Variants in TM9SF2 observed in about 807,000 individuals in gnomAD.
TM9SF2 encodes the protein transmembrane 9 superfamily member 2, also known as 76 kDa membrane protein.
TM9SF2 carries 13 observed loss-of-function variants against 84.9 expected under a neutral mutation model. The ratio of observed to expected loss-of-function variants is 0.15; its 90% confidence interval spans 0.10 to 0.24. TM9SF2 has a LOEUF of 0.24. TM9SF2 is among the 10% of genes least tolerant of loss of function. TM9SF2 has a pLI of 1.00. For missense variants in TM9SF2, 562 were observed against 818.5 expected (o/e 0.69, Z 3.82); for synonymous variants, 273 against 285.8 (o/e 0.96, Z 0.45).
intron 2 of TM9SF2, 28 bp downstream of exon 2, chr13:99,517,709 A>G: frequency 6.6e-7 from 1 of 1,512,798 alleles, no homozygotes; most frequent in African/African-American, 1.4e-5. Flanking sequence ...GCTTTTATAT[A>G]AAATTTTATG....
intron 3 of TM9SF2, among the ~76,000 whole-genome samples, chr13:99,527,886 A>C (rs2046191052): frequency 6.6e-6 from 1 of 152,244 alleles, no homozygotes; most frequent in South Asian, 2.1e-4. Flanking sequence ...AAGTTAACTG[A>C]AGCTGAGGCA....
At chr13:99,513,121 A>G (rs1262621741) in intron 1 of TM9SF2, among the ~76,000 whole-genome samples, 1 of 152,258 alleles carries the variant, frequency 6.6e-6, no homozygotes, top group Non-Finnish European at 1.5e-5. Flanking sequence ...TTTAGAACAT[A>G]GGAAGGAAAT....
At chr13:99,535,352 T>C (rs1330130695) in intron 4 of TM9SF2, among the ~76,000 whole-genome samples, 1 of 152,218 alleles carries the variant, frequency 6.6e-6, no homozygotes, top group Non-Finnish European at 1.5e-5. Context: ...TGTAGTACTT[T>C]CCCTCCAGTA....
chr13:99,546,837 T>C (rs1339133601), intron 10 of TM9SF2, 148 bp from the exon 11 acceptor site: 1 of 1,090,950 alleles, frequency 9.2e-7, no homozygotes, highest in South Asian at 1.6e-5. Flanking sequence ...ATTACTAAGA[T>C]TGTGTAGAGC....
At chr13:99,529,647 T>C in intron 4 of TM9SF2, 53 bp downstream of exon 4, 1 of 1,440,438 alleles carries the variant, frequency 6.9e-7, no homozygotes, top group South Asian at 1.6e-5. Context: ...TATGAAATCT[T>C]TGTTGCTTTG....
chr13:99,503,303 C>T (rs549936229), intron 1 of TM9SF2, among the ~76,000 whole-genome samples: 1 of 152,314 alleles, frequency 6.6e-6, no homozygotes, highest in Middle Eastern at 3.4e-3. Flanking sequence ...GGGACATAAG[C>T]TTATGAACAG....
chr13:99,508,568 A>C (rs1166069223), intron 1 of TM9SF2, among the ~76,000 whole-genome samples: 1 of 152,042 alleles, frequency 6.6e-6, no homozygotes, highest in East Asian at 1.9e-4. Flanking sequence ...GGTAATTTAT[A>C]AAGAAAAGAT....
chr13:99,503,411 A>G (rs780553115), intron 1 of TM9SF2, among the ~76,000 whole-genome samples: 5 of 152,228 alleles, frequency 3.3e-5, no homozygotes, highest in Admixed American at 6.5e-5. Context: ...GGAAAGCTCT[A>G]TAGAAGAAGT....
chr13:99,544,152 CCAGA>C (rs2046272836), intron 10 of TM9SF2, among the ~76,000 whole-genome samples, 157 bp downstream of exon 10: 1 of 151,950 alleles, frequency 6.6e-6, no homozygotes, highest in Non-Finnish European at 1.5e-5. Context: ...GAGTTTGAGA[CCAGA>C]CTGGCCAATA....
In TM9SF2 at chr13:99,501,491, T is replaced by C. The variant is rs552067960; in HGVS notation, c.-116T>C. The C allele has an allele frequency of 2.2e-6, 3 of 1,371,456 alleles. No individual in the cohort carries two copies. Among genetic ancestry groups the C allele is most frequent in the Non-Finnish European group, 3.0e-6 (3 of 1,016,208 alleles). 85.0% of individuals were successfully genotyped at this position (1,371,456 alleles called of 1,614,324 possible). On this transcript the variant is annotated 5_prime_UTR_variant, in exon 1 of 17. Transcript: ENST00000376387. ...TCTCCTAGCGCAACCGGAACTAGCC[T>C]TCTGGGGGCCGGCTTCCTTTATCTC...
chr13:99,548,361 A>G (rs1388632056), intron 11 of TM9SF2, among the ~76,000 whole-genome samples: 1 of 152,198 alleles, frequency 6.6e-6, no homozygotes, highest in Non-Finnish European at 1.5e-5. Context: ...TCAAATCATG[A>G]TACATATATA....
chr13:99,535,387 T>A (rs2046229470), intron 4 of TM9SF2, among the ~76,000 whole-genome samples: 1 of 152,236 alleles, frequency 6.6e-6, no homozygotes, highest in African/African-American at 2.4e-5. Flanking sequence ...TACTATATAT[T>A]GCTAGTATAT....
At chr13:99,558,380 T>C (rs2139114046) in intron 15 of TM9SF2, among the ~76,000 whole-genome samples, 1 of 152,360 alleles carries the variant, frequency 6.6e-6, no homozygotes, top group African/African-American at 2.4e-5. Flanking sequence ...ATTGGAATTA[T>C]GATAGGGATT....
chr13:99,536,551 A>C, intron 4 of TM9SF2, 57 bp from the exon 5 acceptor site: 1 of 1,580,770 alleles, frequency 6.3e-7, no homozygotes, highest in Non-Finnish European at 8.6e-7. Flanking sequence ...TTGGGCAGTA[A>C]TTCTTTGTCA....
In TM9SF2 at chr13:99,554,465, G is replaced by A. The variant is rs756866341; in HGVS notation, c.1640+10G>A. ...TTCTGAATAGTATTTGGTAAGCTAAGGATAAAGTCCTCTCATTCTCATTAC... is the reference window on the plus strand; with the variant it reads ...TTCTGAATAGTATTTGGTAAGCTAAAGATAAAGTCCTCTCATTCTCATTAC... On this transcript the variant is annotated intron_variant, in intron 14 of 16. Transcript: ENST00000376387. 6.2e-7 allele frequency: 1 copy of A among 1,612,094 alleles called. No homozygotes were observed. The highest frequency in any genetic ancestry group is 8.5e-7 in the Non-Finnish European group (1 of 1,179,218).
At chr13:99,546,164 G>A (rs541010828) in intron 10 of TM9SF2, among the ~76,000 whole-genome samples, 2 of 152,090 alleles carry the variant, frequency 1.3e-5, no homozygotes, top group African/African-American at 4.8e-5. Context: ...GTGTGTGCGC[G>A]TGCTTGCTCA....
At chr13:99,526,534 G>A (rs2046184323) in intron 3 of TM9SF2, among the ~76,000 whole-genome samples, 1 of 152,144 alleles carries the variant, frequency 6.6e-6, no homozygotes, top group African/African-American at 2.4e-5. Context: ...TGTTGGAGGT[G>A]ATGAACATTT....
At chr13:99,536,986 G>T (rs1187442222) in intron 5 of TM9SF2, among the ~76,000 whole-genome samples, 3 of 152,102 alleles carry the variant, frequency 2.0e-5, no homozygotes, top group Admixed American at 6.5e-5. Context: ...CTATGGTAAG[G>T]TCTAGAAGTT....
chr13:99,540,879 CTACTT>C (rs2046256213), intron 8 of TM9SF2, 86 bp downstream of exon 8: 1 of 1,217,378 alleles, frequency 8.2e-7, no homozygotes, highest in African/African-American at 1.5e-5. Context: ...CAAATCCTCT[CTACTT>C]TATTCAAAAG....
Sources: gnomAD v4.1 joint callset for allele counts (sites outside exome capture counted in the v4.1 genomes callset) on GRCh38, gnomAD v4.1.1 for gene constraint, MANE v1.5 for transcripts, NCBI Gene and HGNC (gene_info 2026-07-23, HGNC 2026-07-21) for gene names.